Variants in RSRC1 observed in about 807,000 individuals in gnomAD.
RSRC1 encodes the protein serine/Arginine-related protein 53.
In RSRC1, 39 loss-of-function variants were observed where a neutral mutation model predicts 49.1. The observed-to-expected ratio is 0.79, with a 90% confidence interval of 0.61 to 1.04. The LOEUF is 1.04. RSRC1 is among the 50% of genes least tolerant of loss of function. The pLI, the probability that RSRC1 is intolerant of heterozygous loss-of-function variation, is 0.00. For synonymous variants in RSRC1, 143 were observed against 130.8 expected (o/e 1.09, Z -0.63); for missense variants, 388 against 402.4 (o/e 0.96, Z 0.31).
At chr3:158,397,755 G>T (rs1216805612) in intron 6 of RSRC1, among the ~76,000 whole-genome samples, 1 of 151,924 alleles carries the variant, frequency 6.6e-6, no homozygotes, top group African/African-American at 2.4e-5. Context: ...CTTTGAACAT[G>T]CTCTTCTCTT....
intron 3 of RSRC1, among the ~76,000 whole-genome samples, chr3:158,168,085 A>T (rs185121562): frequency 1.3e-5 from 2 of 152,138 alleles, no homozygotes; most frequent in African/African-American, 4.8e-5. Context: ...ATAAAATTTT[A>T]TTGAAACACA....
intron 4 of RSRC1, among the ~76,000 whole-genome samples, chr3:158,207,123 C>G (rs827145): frequency 0.65 from 98,544 of 151,932 alleles, 32,264 homozygotes; most frequent in East Asian, 0.84. Flanking sequence ...GACTGACTGT[C>G]ACCTGCCTCT....
intron 5 of RSRC1, chr3:158,302,717 A>C (rs901010539): frequency 7.8e-5 from 10 of 128,666 alleles, no homozygotes; most frequent in African/African-American, 3.0e-4. Flanking sequence ...GCAGGAGAGC[A>C]GTGGTGCAAT....
At chr3:158,413,676 G>A (rs1239182949) in intron 6 of RSRC1, among the ~76,000 whole-genome samples, 6 of 151,412 alleles carry the variant, frequency 4.0e-5, no homozygotes, top group Non-Finnish European at 7.4e-5. Context: ...AGTGGGCAAA[G>A]GACATGAACA....
chr3:158,385,061 T>G (rs557994528), intron 6 of RSRC1, among the ~76,000 whole-genome samples: 1 of 152,116 alleles, frequency 6.6e-6, no homozygotes, highest in African/African-American at 2.4e-5. Context: ...GTAAATACAA[T>G]GAAATTTGCT....
At chr3:158,139,178 A>G (rs532733791) in intron 3 of RSRC1, among the ~76,000 whole-genome samples, 155 of 152,220 alleles carry the variant, frequency 1.0e-3, no homozygotes, top group South Asian at 8.5e-3. Flanking sequence ...AGGCAGGTGG[A>G]TCATCTGATG....
chr3:158,202,562 T>TTATATGTATATATATATATATA lies in RSRC1; in HGVS notation c.321-505_321-504insGTATATATATATATATATATAT, dbSNP rs1553768416. On this transcript the variant is annotated intron_variant, in intron 3 of 9. Transcript: ENST00000611884. The stretch of plus-strand genomic sequence containing the variant: ...TCTGTAGGGTTGTCAGTCTGGTAGA[T>TTATATGTATATATATATATATA]TATATATATATATATATATGTTTTA... Among the ~76,000 whole-genome samples, 21 of 92,024 alleles carry TTATATGTATATATATATATATA rather than the reference T, an allele frequency of 2.3e-4. 2 individuals are homozygous for TTATATGTATATATATATATATA. The highest frequency in any genetic ancestry group is 1.1e-3 in the African/African-American group (21 of 18,896). 60.4% of individuals were successfully genotyped at this position (92,024 alleles called of 152,430 possible).
chr3:158,276,235 T>C (rs1183271978), intron 4 of RSRC1: 1 of 774,134 alleles, frequency 1.3e-6, no homozygotes, highest in East Asian at 2.4e-5. Context: ...ATACGAATCC[T>C]ATATATAATG....
intron 4 of RSRC1, among the ~76,000 whole-genome samples, chr3:158,235,932 A>G (rs2107980387): frequency 6.6e-6 from 1 of 152,278 alleles, no homozygotes; most frequent in East Asian, 1.9e-4. Flanking sequence ...CCTGGCCAAC[A>G]TGGTGAAACC....
At chr3:158,451,997 TG>T (rs1354965495) in intron 6 of RSRC1, among the ~76,000 whole-genome samples, 1 of 152,048 alleles carries the variant, frequency 6.6e-6, no homozygotes, top group Non-Finnish European at 1.5e-5. Flanking sequence ...TCTTGATGAT[TG>T]TTACAAAGCA....
chr3:158,163,759 A>ATT (rs1553763466), intron 3 of RSRC1, among the ~76,000 whole-genome samples: 2 of 149,362 alleles, frequency 1.3e-5, no homozygotes, highest in African/African-American at 2.5e-5. Flanking sequence ...CTTTATAGCA[A>ATT]TTTTTTTTTT....
intron 5 of RSRC1, among the ~76,000 whole-genome samples, chr3:158,316,695 C>T (rs1372520268): frequency 6.6e-6 from 1 of 152,050 alleles, no homozygotes; most frequent in Non-Finnish European, 1.5e-5. Flanking sequence ...CCGCCCGCCT[C>T]GGCCTCCCAA....
chr3:158,393,106 T>A (rs1161578170), intron 6 of RSRC1, among the ~76,000 whole-genome samples: 1 of 152,028 alleles, frequency 6.6e-6, no homozygotes, highest in Non-Finnish European at 1.5e-5. Context: ...ATAAAAAAAT[T>A]CTTTGAAACT....
intron 3 of RSRC1, among the ~76,000 whole-genome samples, chr3:158,166,272 A>T (rs1718528289): frequency 6.6e-6 from 1 of 152,180 alleles, no homozygotes; most frequent in South Asian, 2.1e-4. Flanking sequence ...GTCATTCTTT[A>T]TAATATAATT....
In RSRC1 at chr3:158,386,788, T is replaced by C. The variant is rs112777701; in HGVS notation, c.583+31880T>C. 2.5e-3 allele frequency among the ~76,000 whole-genome samples: 379 copies of C among 151,224 alleles called. 1 individual carries two copies. The highest frequency in any genetic ancestry group is 9.0e-3 in the African/African-American group (370 of 41,150). ...ATGGGGAAGAGGTGAGCAGCATGCA[T>C]GTTCACAGGACCATAATGTGAGTCG... On this transcript the variant is annotated intron_variant, in intron 6 of 9. Transcript: ENST00000611884.
In RSRC1 at chr3:158,122,159, A is replaced by G; in HGVS notation, c.55A>G (p.Lys19Glu). ...AGAAAGCAGAAGCAAGAGAAAAAAGAAACACCGTAGACGGTCCTCCTCGAG... is the reference window on the plus strand; with the variant it reads ...AGAAAGCAGAAGCAAGAGAAAAAAGGAACACCGTAGACGGTCCTCCTCGAG... The part of the protein sequence containing the change: ...EEESRSKRKK[K>E]HRRRSSSSSS... Residue 19 changes from lysine to glutamate, a missense_variant, in exon 2 of 10, where the codon AAA (lysine) becomes GAA (glutamate). By Grantham distance (56) the Lys-to-Glu change is moderately conservative (BLOSUM62 1). Coordinates refer to ENST00000611884, the MANE Select transcript of RSRC1 (RefSeq NM_001271838.2). 6.4e-7 allele frequency: 1 copy of G among 1,573,614 alleles called. No individual in the cohort carries two copies. The highest frequency in any genetic ancestry group is 8.6e-7 in the Non-Finnish European group (1 of 1,160,792).
chr3:158,111,443 A>T (rs1279461148), intron 1 of RSRC1, among the ~76,000 whole-genome samples: 1 of 152,244 alleles, frequency 6.6e-6, no homozygotes, highest in Non-Finnish European at 1.5e-5. Context: ...CGGGTTGTTT[A>T]TAGTAGATCT....
At chr3:158,387,454 T>G (rs538638468) in intron 6 of RSRC1, among the ~76,000 whole-genome samples, 1 of 152,246 alleles carries the variant, frequency 6.6e-6, no homozygotes, top group South Asian at 2.1e-4. Context: ...CATTTAGCCT[T>G]AGAGTAGTTC....
intron 4 of RSRC1, among the ~76,000 whole-genome samples, chr3:158,233,568 G>A (rs1404964399): frequency 6.6e-6 from 1 of 152,110 alleles, no homozygotes; most frequent in African/African-American, 2.4e-5. Flanking sequence ...CGATCTTAAA[G>A]CATTTAAGCT....
Sources: gnomAD v4.1 joint callset for allele counts (sites outside exome capture counted in the v4.1 genomes callset) on GRCh38, gnomAD v4.1.1 for gene constraint, MANE v1.5 for transcripts, NCBI Gene and HGNC (gene_info 2026-07-23, HGNC 2026-07-21) for gene names.